The following CDH11 variants were observed in gnomAD, a reference collection of about 807,000 sequenced individuals.
CDH11 encodes the protein cadherin 11, also known as cadherin-11.
A neutral mutation model predicts 67.8 loss-of-function variants in CDH11; 11 were observed. The observed-to-expected ratio is 0.16, with a 90% CI of 0.10 to 0.27. The LOEUF is 0.27. Among genes scored for constraint, CDH11 ranks in the 10% least tolerant of loss-of-function variants. The pLI is 1.00. For missense variants in CDH11, 847 were observed against 1,031.2 expected, an observed-to-expected ratio of 0.82 and a Z score of 2.45; for synonymous variants, 419 against 400.0, an observed-to-expected ratio of 1.05 and a Z score of -0.57.
intron 2 of CDH11, among the ~76,000 whole-genome samples, chr16:65,005,479 G>T (rs567707480): frequency 1.3e-5 from 2 of 152,318 alleles, no homozygotes; most frequent in African/African-American, 4.8e-5. Context: ...AGAAAGGAGA[G>T]TGTGGGATTC....
At chr16:64,973,542 A>G (rs2072072597) in intron 8 of CDH11, among the ~76,000 whole-genome samples, 1 of 152,136 alleles carries the variant, frequency 6.6e-6, no homozygotes, top group Non-Finnish European at 1.5e-5. Context: ...GCAGTGTCTC[A>G]CTCCTGTAAT....
At chr16:65,116,412 T>C (rs981210805) in intron 1 of CDH11, among the ~76,000 whole-genome samples, 1 of 152,166 alleles carries the variant, frequency 6.6e-6, no homozygotes, top group Non-Finnish European at 1.5e-5. Flanking sequence ...GTGATCATCA[T>C]AGTAAGGACA....
At chr16:65,104,814 T>C (rs537052479) in intron 1 of CDH11, among the ~76,000 whole-genome samples, 1 of 152,346 alleles carries the variant, frequency 6.6e-6, no homozygotes, top group East Asian at 1.9e-4. Context: ...TAAATCACTC[T>C]GTGCCCCATT....
intron 2 of CDH11, among the ~76,000 whole-genome samples, chr16:65,014,306 A>G (rs980312554): frequency 3.6e-5 from 5 of 139,412 alleles, no homozygotes; most frequent in Non-Finnish European, 8.4e-5. Context: ...TCTAGAAGCC[A>G]TATATTTAAA....
At chr16:64,983,739 C>T (rs2072416188) in intron 7 of CDH11, among the ~76,000 whole-genome samples, 1 of 152,150 alleles carries the variant, frequency 6.6e-6, no homozygotes, top group African/African-American at 2.4e-5. Flanking sequence ...TTATCCTTGG[C>T]TAGGTTACTG....
At chr16:65,113,465 T>A (rs1435727492) in intron 1 of CDH11, among the ~76,000 whole-genome samples, 1 of 152,172 alleles carries the variant, frequency 6.6e-6, no homozygotes, top group East Asian at 1.9e-4. Flanking sequence ...GAATAGCTAA[T>A]GATTCAGTTA....
At position 64,947,493 on chromosome 16, in the gene CDH11, C is replaced by A; in HGVS notation, c.*110G>T. ...AATGTATCCTCTCTGTAAAACTTTG[C>A]CTGTTTTAAATGAGCCTTTCCTTGA... is the stretch of plus-strand genomic sequence containing the variant. On this transcript the variant is annotated 3_prime_UTR_variant, in exon 13 of 13. Coordinates refer to ENST00000268603, the MANE Select transcript of CDH11 (RefSeq NM_001797.4). 1 of 1,506,902 alleles carries A rather than the reference C, an allele frequency of 6.6e-7. No homozygotes were observed. The highest frequency in any genetic ancestry group is 8.8e-7 in the Non-Finnish European group (1 of 1,130,716). The allele number at this position is 1,506,902 out of a possible 1,614,324, so 93.3% of individuals were successfully genotyped here. A position where few individuals can be genotyped will look rare whatever the true frequency, so the allele number is the denominator to read the frequency against.
rs1275602389 is a variant in CDH11 at position 64,947,386 on chromosome 16, A to G, written c.*217T>C. 21 of 1,302,104 alleles carry G rather than the reference A, an allele frequency of 1.6e-5. No homozygotes were observed. The East Asian group carries it at 5.5e-4, about 34-fold the overall frequency. The allele number at this position is 1,302,104 out of a possible 1,614,324, so 80.7% of individuals were successfully genotyped here. On this transcript the variant is annotated 3_prime_UTR_variant, in exon 13 of 13. Coordinates refer to ENST00000268603, the MANE Select transcript of CDH11 (RefSeq NM_001797.4). ...GTGTTTTTTTTTTCTAGCGAAGTTGATAAACAACTTCAATATTTGCCTTTT... is the reference window on the plus strand; with the variant it reads ...GTGTTTTTTTTTTCTAGCGAAGTTGGTAAACAACTTCAATATTTGCCTTTT...
chr16:65,070,252 A>G (rs2074393318), intron 1 of CDH11, among the ~76,000 whole-genome samples: 2 of 152,224 alleles, frequency 1.3e-5, no homozygotes, highest in South Asian at 4.1e-4. Flanking sequence ...ACACTAAACC[A>G]AAAGCCACGG....
intron 1 of CDH11, among the ~76,000 whole-genome samples, chr16:65,058,055 C>T (rs1469144516): frequency 2.0e-5 from 3 of 151,894 alleles, no homozygotes; most frequent in East Asian, 1.9e-4. Context: ...GGCAATATGG[C>T]GAAACGTGTA....
intron 3 of CDH11, among the ~76,000 whole-genome samples, chr16:65,001,800 T>A (rs1305761929): frequency 7.0e-6 from 1 of 143,106 alleles, no homozygotes; most frequent in Non-Finnish European, 1.5e-5. Flanking sequence ...ACACACACAT[T>A]AAAAAAAAAA....
intron 1 of CDH11, among the ~76,000 whole-genome samples, chr16:65,075,749 G>A (rs567769053): frequency 6.6e-5 from 10 of 152,292 alleles, no homozygotes; most frequent in Admixed American, 1.3e-4. Flanking sequence ...CACAGCCAGC[G>A]TAGACAATGT....
intron 1 of CDH11, among the ~76,000 whole-genome samples, chr16:65,055,642 T>G (rs951307151): frequency 6.6e-6 from 1 of 152,216 alleles, no homozygotes. Flanking sequence ...AATAGTATCC[T>G]GCGTTTCACC....
intron 1 of CDH11, among the ~76,000 whole-genome samples, chr16:65,101,024 C>T (rs184725255): frequency 2.0e-4 from 30 of 152,300 alleles, no homozygotes; most frequent in Non-Finnish European, 3.7e-4. Context: ...GGTGAAAAAT[C>T]TGGTAACTTT....
At chr16:65,059,583 C>A (rs1166137740) in intron 1 of CDH11, 3 of 152,138 alleles carry the variant, frequency 2.0e-5, no homozygotes, top group African/African-American at 2.4e-5. Context: ...ATTGTCCAGG[C>A]CTGATAAAAA....
chr16:65,093,650 A>C (rs2074833254), intron 1 of CDH11, among the ~76,000 whole-genome samples: 1 of 152,210 alleles, frequency 6.6e-6, no homozygotes, highest in Non-Finnish European at 1.5e-5. Flanking sequence ...GCAAGCATCC[A>C]TTCATCCAAC....
intron 2 of CDH11, among the ~76,000 whole-genome samples, chr16:65,042,708 C>A (rs2073886578): frequency 6.6e-6 from 1 of 152,180 alleles, no homozygotes; most frequent in Non-Finnish European, 1.5e-5. Flanking sequence ...CTTATTCCAT[C>A]CTGCTACAAA....
intron 2 of CDH11, among the ~76,000 whole-genome samples, chr16:65,025,590 C>G (rs1408044150): frequency 1.3e-5 from 2 of 152,170 alleles, no homozygotes; most frequent in African/African-American, 2.4e-5. Context: ...ATCTACCCAC[C>G]TTGGCCTCCC....
rs144441246 is a variant in CDH11 at position 65,023,412 on chromosome 16, G to A, written c.-172-18371C>T. Among the ~76,000 whole-genome samples the A allele has an allele frequency of 2.2e-3, 341 of 152,312 alleles. 3 individuals carry two copies. The highest frequency in any genetic ancestry group is 7.5e-3 in the African/African-American group (313 of 41,566). On this transcript the variant is annotated intron_variant, in intron 2 of 12. Coordinates refer to ENST00000268603, the MANE Select transcript of CDH11 (RefSeq NM_001797.4). ...CTCTTCATTGGTGGCCAGAAAAGAT[G>A]TCACAGGGTGAATCCCAAAATTGAG...
Sources: allele counts gnomAD v4.1 joint callset (sites outside exome capture counted in the v4.1 genomes callset), GRCh38; gene constraint gnomAD v4.1.1; transcripts MANE v1.5; gene names NCBI Gene and HGNC (gene_info 2026-07-23, HGNC 2026-07-21).